Variants in NRP2 observed in about 807,000 individuals in gnomAD.
NRP2 encodes neuropilin 2, also known as neuropilin-2.
In NRP2, 52 loss-of-function variants were observed where a neutral mutation model predicts 110.4. That is an observed-to-expected ratio of 0.47 (90% confidence interval 0.38 to 0.59). The LOEUF is 0.59. NRP2 is among the 20% of genes least tolerant of loss of function. The pLI, the probability that NRP2 is intolerant of heterozygous loss-of-function variation, is 0.00. For synonymous variants in NRP2, 508 were observed against 468.9 expected (o/e 1.08, Z -1.08); for missense variants, 1,049 against 1,203.0 (o/e 0.87, Z 1.89).
At chr2:205,745,354 C>T (rs1014212921) in intron 9 of NRP2, among the ~76,000 whole-genome samples, 7 of 152,268 alleles carry the variant, frequency 4.6e-5, no homozygotes, top group Admixed American at 1.3e-4. Flanking sequence ...GTTCCTTTCC[C>T]TGTAGACCAG....
chr2:205,758,826 C>G (rs1281895252), intron 12 of NRP2, among the ~76,000 whole-genome samples: 1 of 152,186 alleles, frequency 6.6e-6, no homozygotes. Flanking sequence ...ACAGGCAGGG[C>G]TGGTTCTTAG....
Position 205,766,794 on chromosome 2 carries a change from G to T in NRP2, c.2416G>T (p.Ala806Ser). Residue 806 changes from alanine (A) to serine (S), a missense_variant, in exon 15 of 17, where the codon GCT becomes TCT. Transcript: ENST00000357785. The stretch of plus-strand genomic sequence containing the variant: ...TTTGTTTTTTTCAGAACCCATCTCG[G>T]CTTTTGCAGGTGAGAATTTTAAAGG... ...PLENCMEPIS[A>S]FAVDIPEIHE... 6.2e-7 allele frequency: 1 copy of T among 1,612,566 alleles called. No individual in the cohort carries two copies. Among genetic ancestry groups the T allele is most frequent in the African/African-American group, 1.3e-5 (1 of 74,818 alleles).
intron 12 of NRP2, among the ~76,000 whole-genome samples, chr2:205,761,084 A>C (rs1226600452): frequency 6.6e-6 from 1 of 152,182 alleles, no homozygotes. Flanking sequence ...TTACTGGTGC[A>C]CCTCACCTTT....
intron 15 of NRP2, among the ~76,000 whole-genome samples, chr2:205,785,921 G>A (rs912530774): frequency 1.3e-5 from 2 of 151,992 alleles, no homozygotes; most frequent in African/African-American, 4.8e-5. Context: ...TTCCGCACTT[G>A]AAACCATTTG....
intron 7 of NRP2, among the ~76,000 whole-genome samples, chr2:205,736,745 T>C (rs1414803399): frequency 6.6e-6 from 1 of 152,184 alleles, no homozygotes; most frequent in Admixed American, 6.5e-5. Flanking sequence ...AATGATTCAG[T>C]GAGTTGTCAG....
chr2:205,726,066 A>G lies in NRP2; in HGVS notation c.974A>G (p.Asn325Ser), dbSNP rs531379014. The change falls in exon 6 of 17, where the codon AAC becomes AGC. Residue 325 changes from asparagine to serine, a missense_variant. By Grantham distance (46) the Asn-to-Ser change is conservative. Coordinates refer to ENST00000357785, the MANE Select transcript of NRP2 (RefSeq NM_003872.3). Reference sequence around the variant, plus strand: ...GGCTGGACCCCCAACTTGGATTCCAACAAGGAGTATCTCCAGGTACTTGTG... The same window carrying G: ...GGCTGGACCCCCAACTTGGATTCCAGCAAGGAGTATCTCCAGGTACTTGTG... ...DNGWTPNLDS[N>S]KEYLQVDLRF... 6.8e-6 allele frequency: 11 copies of G among 1,614,230 alleles called. No individual in the cohort carries two copies. The highest frequency in any genetic ancestry group is 6.6e-5 in the South Asian group (6 of 91,080).
chr2:205,722,848 T>C lies in NRP2; in HGVS notation c.664+140T>C. The C allele has an allele frequency of 4.3e-6, 3 of 698,316 alleles. No individual in the cohort carries two copies. In the East Asian group the frequency reaches 8.1e-5, roughly 19 times the overall value. 43.3% of individuals were successfully genotyped at this position (698,316 alleles called of 1,614,324 possible). On this transcript the variant is annotated intron_variant, in intron 4 of 16. Transcript: ENST00000357785. ...CCATGGTGACTTTCTCTTCTTCCCCTTCACTAAGGATAGCTTGAGAGAAAT... is the reference window on the plus strand; with the variant it reads ...CCATGGTGACTTTCTCTTCTTCCCCCTCACTAAGGATAGCTTGAGAGAAAT...
chr2:205,755,610 G>GA (rs58417592), intron 12 of NRP2, among the ~76,000 whole-genome samples: 103 of 147,402 alleles, frequency 7.0e-4, no homozygotes, highest in East Asian at 3.2e-3. Context: ...TCTCCATAGG[G>GA]AAAAAAAAAA....
At chr2:205,722,169 T>TACACACA in intron 3 of NRP2, 1 of 332,194 alleles carries the variant, frequency 3.0e-6, no homozygotes. Context: ...TCTCTCTCTC[T>TACACACA]CATACACACA....
intron 6 of NRP2, among the ~76,000 whole-genome samples, chr2:205,726,291 C>T (rs1247240569): frequency 1.3e-5 from 2 of 152,204 alleles, no homozygotes; most frequent in Non-Finnish European, 2.9e-5. Flanking sequence ...TGCCCCTGCC[C>T]TTGTGGGGAT....
rs1238349592 is a variant in NRP2 at position 205,686,352 on chromosome 2, G to C, written c.73+2989G>C. Among the ~76,000 whole-genome samples the C allele has an allele frequency of 9.2e-5, 14 of 152,100 alleles. No individual in the cohort carries two copies. Among genetic ancestry groups the C allele is most frequent in the African/African-American group, 2.4e-4 (10 of 41,412 alleles). Reference sequence around the variant, plus strand: ...GGAGAAGCCTCTGCCTGCAGCCGCCGGCGAGTTCCCGCCTCCCCTCCCCAG... The same window carrying C: ...GGAGAAGCCTCTGCCTGCAGCCGCCCGCGAGTTCCCGCCTCCCCTCCCCAG... On this transcript the variant is annotated intron_variant, in intron 1 of 16. Transcript: ENST00000357785. The surrounding 1 kb of genome is among the most constrained non-coding windows in gnomAD (Gnocchi z 4.7).
chr2:205,688,256 A>G (rs2056222340), intron 1 of NRP2, among the ~76,000 whole-genome samples: 1 of 152,240 alleles, frequency 6.6e-6, no homozygotes, highest in Non-Finnish European at 1.5e-5. Context: ...TTATCTGACC[A>G]TCACTTGCAA....
chr2:205,752,953 C>T lies in NRP2; in HGVS notation c.2022C>T (p.Ser674=), dbSNP rs1264184930. The change falls in exon 12 of 17, where the codon AGC becomes AGT. Residue 674 remains serine (S), a synonymous_variant. Transcript: ENST00000357785. ...GGACCACCTGGGCCAGCAGCTCCAGCCCAAACGACCGGACGTTTCCAGGTA... is the reference window on the plus strand; with the variant it reads ...GGACCACCTGGGCCAGCAGCTCCAGTCCAAACGACCGGACGTTTCCAGGTA... ...WLRTTWASSS[S]PNDRTFPDDR... The T allele has an allele frequency of 1.2e-6, 2 of 1,613,862 alleles. No homozygotes were observed. Among genetic ancestry groups the T allele is most frequent in the Admixed American group, 3.3e-5 (2 of 60,032 alleles).
chr2:205,711,460 A>G (rs551776131), intron 2 of NRP2, among the ~76,000 whole-genome samples: 1 of 152,282 alleles, frequency 6.6e-6, no homozygotes, highest in African/African-American at 2.4e-5. Context: ...TGGAGGTAAC[A>G]TTTGTCCTTA....
chr2:205,765,627 T>C, intron 14 of NRP2, 57 bp downstream of exon 14: 3 of 1,456,576 alleles, frequency 2.1e-6, no homozygotes, highest in Non-Finnish European at 2.9e-6. Flanking sequence ...AGGGCTGGGA[T>C]AAGCAAGAGG....
intron 11 of NRP2, among the ~76,000 whole-genome samples, chr2:205,750,443 G>C (rs1031765404): frequency 6.6e-6 from 1 of 152,192 alleles, no homozygotes; most frequent in East Asian, 1.9e-4. Context: ...ATGTAAAAAG[G>C]CATCTTCAAC....
rs1313539710 is a variant in NRP2, at chr2:205,697,555, G to A, written c.85G>A (p.Gly29Arg). ...GATTTCTCTTTCAGACCCACCGTGC[G>A]GAGGTCGTTTGAATTCCAAAGATGC... Reference protein sequence around the residue: ...QVRGQPDPPCGGRLNSKDAGY... With the variant: ...QVRGQPDPPCRGRLNSKDAGY... The change falls in exon 2 of 17, where the codon GGA (glycine) becomes AGA (arginine). Residue 29 changes from glycine (G) to arginine (R), a missense_variant. Physicochemically the swap from Gly to Arg is moderately radical, Grantham distance 125. Coordinates refer to ENST00000357785, the MANE Select transcript of NRP2 (RefSeq NM_003872.3). The A allele has an allele frequency of 5.0e-6, 8 of 1,613,794 alleles. No individual in the cohort carries two copies. Among genetic ancestry groups the A allele is most frequent in the Admixed American group, 1.7e-5 (1 of 59,992 alleles).
At chr2:205,761,917 G>T (rs1433602344) in intron 12 of NRP2, 1 of 152,218 alleles carries the variant, frequency 6.6e-6, no homozygotes, top group Non-Finnish European at 1.5e-5. Flanking sequence ...GCATGTAAAT[G>T]TGCTTGTAAC....
At chr2:205,732,382 G>C (rs1414219307) in intron 7 of NRP2, among the ~76,000 whole-genome samples, 2 of 152,240 alleles carry the variant, frequency 1.3e-5, no homozygotes, top group Non-Finnish European at 2.9e-5. Flanking sequence ...CTTGGGAGGA[G>C]AGAAAGAGTG....
Sources: gnomAD v4.1 joint callset for allele counts (sites outside exome capture counted in the v4.1 genomes callset) on GRCh38, gnomAD v4.1.1 for gene constraint, Gnocchi (gnomAD v3.1) non-coding constraint, MANE v1.5 for transcripts, NCBI Gene and HGNC (gene_info 2026-07-23, HGNC 2026-07-21) for gene names.